Variants in LAMA3 observed in about 807,000 individuals in gnomAD.
The protein encoded by LAMA3 is laminin subunit alpha 3, also known as laminin subunit alpha-3.
In LAMA3, 281 loss-of-function variants were observed where a neutral mutation model predicts 402.0. That is an observed-to-expected ratio of 0.70 (90% CI 0.63 to 0.77). LAMA3 has a LOEUF of 0.77. Among genes scored for constraint, LAMA3 ranks in the 30% least tolerant of loss-of-function variants. The pLI is 0.00. For missense variants in LAMA3, 3,840 were observed against 4,215.5 expected (o/e 0.91, Z 2.47); for synonymous variants, 1,431 against 1,558.4 (o/e 0.92, Z 1.93).
chr18:23,910,788 C>T (rs1599071345), intron 55 of LAMA3, among the ~76,000 whole-genome samples: 2 of 152,014 alleles, frequency 1.3e-5, no homozygotes, highest in East Asian at 1.9e-4. Flanking sequence ...AATCCAAACA[C>T]GTAGTGCCCA....
At chr18:23,933,725 G>A in intron 66 of LAMA3, 57 bp from the exon 67 acceptor site, 1 of 1,586,964 alleles carries the variant, frequency 6.3e-7, no homozygotes, top group Non-Finnish European at 8.6e-7. Flanking sequence ...TCTACCAGAG[G>A]GTCTTCCTCG....
intron 21 of LAMA3, among the ~76,000 whole-genome samples, chr18:23,825,747 G>A (rs991227726): frequency 6.6e-6 from 1 of 152,056 alleles, no homozygotes; most frequent in Non-Finnish European, 1.5e-5. Flanking sequence ...TTGGACTCAC[G>A]GAAAGTAGAA....
At chr18:23,759,527 C>T (rs1020320724) in intron 7 of LAMA3, among the ~76,000 whole-genome samples, 8 of 152,082 alleles carry the variant, frequency 5.3e-5, no homozygotes, top group African/African-American at 1.7e-4. Context: ...TCTCCAGTAG[C>T]TGGGATTACA....
chr18:23,704,930 A>G (rs1598612349), intron 1 of LAMA3, among the ~76,000 whole-genome samples: 1 of 152,196 alleles, frequency 6.6e-6, no homozygotes, highest in East Asian at 1.9e-4. Context: ...GAAAAAGGGT[A>G]GGTCATTCTG....
At chr18:23,772,202 C>T (rs189626084) in intron 8 of LAMA3, among the ~76,000 whole-genome samples, 10 of 152,144 alleles carry the variant, frequency 6.6e-5, no homozygotes, top group East Asian at 1.9e-4. Flanking sequence ...CCACCATGCC[C>T]GGCTAATTTT....
chr18:23,852,211 C>CT (rs1372314433), intron 32 of LAMA3, among the ~76,000 whole-genome samples: 4 of 152,268 alleles, frequency 2.6e-5, no homozygotes, highest in Admixed American at 2.0e-4. Context: ...TTCATTCTTT[C>CT]TTTTTTGGCT....
chr18:23,939,245 C>T lies in LAMA3; in HGVS notation c.8885C>T (p.Ala2962Val), dbSNP rs888890239. The T allele has an allele frequency of 1.2e-6, 2 of 1,614,066 alleles. No individual in the cohort carries two copies. Among genetic ancestry groups the T allele is most frequent in the African/African-American group, 2.7e-5 (2 of 74,936 alleles). The change falls in exon 68 of 75, where the codon GCC (alanine) becomes GTC (valine). Residue 2962 changes from alanine to valine, a missense_variant. By Grantham distance (64) the Ala-to-Val change is moderately conservative (BLOSUM62 0). Coordinates refer to ENST00000313654, the MANE Select transcript of LAMA3 (RefSeq NM_198129.4). ...INQLLQDTPV[A>V]SPRSVKVWQD... ...CAGCTGTTGCAGGACACACCAGTGG[C>T]CTCCCCAAGGAGCGTGAAGGTGTGG...
In LAMA3 at chr18:23,782,906, G is replaced by A. The variant is rs531170034; in HGVS notation, c.1469-1117G>A. ...ATTTCCCAAGGAATAATGTGTGCTG[G>A]CCCTGGGGGCCTGTGGTGAGCTCTC... On this transcript the variant is annotated intron_variant, in intron 11 of 74. Transcript: ENST00000313654. 1.4e-3 allele frequency among the ~76,000 whole-genome samples: 212 copies of A among 152,038 alleles called. 1 individual carries two copies. The highest frequency in any genetic ancestry group is 4.9e-3 in the African/African-American group (204 of 41,420).
chr18:23,921,240 C>A (rs781113605), intron 61 of LAMA3, among the ~76,000 whole-genome samples, 186 bp downstream of exon 61: 7 of 152,162 alleles, frequency 4.6e-5, no homozygotes, highest in Non-Finnish European at 8.8e-5. Flanking sequence ...TACATGATAT[C>A]TATAAAACAC....
At chr18:23,820,650 A>C (rs2063267342) in intron 19 of LAMA3, among the ~76,000 whole-genome samples, 1 of 152,174 alleles carries the variant, frequency 6.6e-6, no homozygotes, top group Non-Finnish European at 1.5e-5. Context: ...CTTATAACTA[A>C]AAAATTCTGT....
chr18:23,938,749 G>C (rs2082389818), intron 67 of LAMA3, among the ~76,000 whole-genome samples: 1 of 151,958 alleles, frequency 6.6e-6, no homozygotes, highest in Admixed American at 6.6e-5. Context: ...GCAGCCACTG[G>C]TCCCAGGTGC....
chr18:23,719,093 A>G (rs2061163462), intron 2 of LAMA3, among the ~76,000 whole-genome samples: 1 of 152,082 alleles, frequency 6.6e-6, no homozygotes, highest in South Asian at 2.1e-4. Context: ...TCCCTCCCTT[A>G]TGTTCCTCTC....
At chr18:23,826,346 TG>T in intron 21 of LAMA3, among the ~76,000 whole-genome samples, 1 of 152,380 alleles carries the variant, frequency 6.6e-6, no homozygotes, top group South Asian at 2.1e-4. Context: ...TTCAGTGTTC[TG>T]TACTGCTGAA....
At chr18:23,884,285 G>A (rs988780642) in intron 40 of LAMA3, among the ~76,000 whole-genome samples, 3 of 152,146 alleles carry the variant, frequency 2.0e-5, no homozygotes, top group Admixed American at 6.5e-5. Flanking sequence ...AGTGGTCTCT[G>A]TGCATCTTTA....
rs753336740 is a variant in LAMA3 at position 23,815,516 on chromosome 18, G to A, written c.1990G>A (p.Asp664Asn). The A allele has an allele frequency of 9.9e-6, 16 of 1,614,052 alleles. No individual in the cohort carries two copies. The highest frequency in any genetic ancestry group is 8.3e-5 in the Admixed American group (5 of 60,000). ...CKSHVGGDSC[D>N]TCEDGYFALE... ...GTCCCATGTGGGTGGCGATTCCTGCGACACCTGTGAAGATGGATATTTTGC... is the reference window on the plus strand; with the variant it reads ...GTCCCATGTGGGTGGCGATTCCTGCAACACCTGTGAAGATGGATATTTTGC... Residue 664 changes from aspartate (D) to asparagine (N), a missense_variant, in exon 17 of 75, where the codon GAC becomes AAC. Around this residue, in one of 3 missense-constraint regions of LAMA3, gnomAD observed 2,109 missense variants for 2,376.0 expected, o/e 0.89. Transcript: ENST00000313654.
At chr18:23,722,803 G>A (rs758092640) in intron 2 of LAMA3, among the ~76,000 whole-genome samples, 3 of 152,116 alleles carry the variant, frequency 2.0e-5, no homozygotes, top group African/African-American at 7.2e-5. Context: ...AATGATAAAC[G>A]GAGGTCACTG....
chr18:23,842,379 TC>T lies in LAMA3; in HGVS notation c.3337-15del, dbSNP rs751319213. 106 of 1,614,034 alleles carry T rather than the reference TC, an allele frequency of 6.6e-5. No individual in the cohort carries two copies. The highest frequency in any genetic ancestry group is 1.3e-4 in the South Asian group (12 of 91,084). ...GAGGGTTTTTAATTTTTTTTCCTCC[TC>T]TTTTTTCCTCTTAGAATCAAGTGAC... On this transcript the variant is annotated splice_polypyrimidine_tract_variant and intron_variant, in intron 27 of 74. Coordinates refer to ENST00000313654, the MANE Select transcript of LAMA3 (RefSeq NM_198129.4).
chr18:23,810,382 C>T lies in LAMA3; in HGVS notation c.1620C>T (p.Ala540=). The part of the protein sequence containing the change: ...FPICQACWCS[A]LGSYQMPCSS... ...TTCATCCAGCCTGCTGGTGTTCAGC[C>T]CTTGGATCCTACCAGATGCCCTGCA... is the stretch of plus-strand genomic sequence containing the variant. The change falls in exon 13 of 75, where the codon GCC becomes GCT. Residue 540 remains alanine (A), a synonymous_variant. Coordinates refer to ENST00000313654, the MANE Select transcript of LAMA3 (RefSeq NM_198129.4). 6.2e-7 allele frequency: 1 copy of T among 1,614,132 alleles called. No individual in the cohort carries two copies. The highest frequency in any genetic ancestry group is 8.5e-7 in the Non-Finnish European group (1 of 1,180,024).
At chr18:23,750,454 T>G (rs1293503143) in intron 4 of LAMA3, among the ~76,000 whole-genome samples, 6 of 143,766 alleles carry the variant, frequency 4.2e-5, no homozygotes, top group South Asian at 2.3e-4. Context: ...TTTTTTTTTT[T>G]TTTTTTTTTT....
Sources: gnomAD v4.1 joint callset for allele counts (sites outside exome capture counted in the v4.1 genomes callset) on GRCh38, gnomAD v4.1.1 for gene constraint, gnomAD v4.1.1 regional missense constraint, MANE v1.5 for transcripts, NCBI Gene and HGNC (gene_info 2026-07-23, HGNC 2026-07-21) for gene names.